Variants in AFAP1L2 observed in about 807,000 individuals in gnomAD.
AFAP1L2 encodes the protein actin filament associated protein 1 like 2.
AFAP1L2 carries 46 observed loss-of-function variants against 99.3 expected under a neutral mutation model. The observed-to-expected ratio is 0.46, with a 90% CI of 0.37 to 0.59. The LOEUF (loss-of-function observed/expected upper bound fraction) is 0.59, where lower values mean the gene tolerates loss of function less well. Among genes scored for constraint, AFAP1L2 ranks in the 20% least tolerant of loss-of-function variants. The probability of loss-of-function intolerance (pLI) is 0.00; values close to 1 mark genes in which losing one functional copy is unlikely to be tolerated. For missense variants in AFAP1L2, 959 were observed against 1,034.9 expected (o/e 0.93, Z 1.01); for synonymous variants, 397 against 419.1 (o/e 0.95, Z 0.64).
At chr10:114,370,204 G>A (rs561267197) in intron 1 of AFAP1L2, among the ~76,000 whole-genome samples, 3 of 152,270 alleles carry the variant, frequency 2.0e-5, no homozygotes, top group South Asian at 2.1e-4. Flanking sequence ...AATCCACTCT[G>A]CAAGACTGAG....
rs139703460 is a variant in AFAP1L2 at position 114,299,041 on chromosome 10, G to A, written c.2113+219C>T. ...TTTACGATGACCTGCTGGTCCTATT[G>A]ATGTTCCGTCAGAGGCTTTCTCTCT... On this transcript the variant is annotated intron_variant, in intron 16 of 18. Transcript: ENST00000304129. Among the ~76,000 whole-genome samples, 418 of 152,334 alleles carry A rather than the reference G, an allele frequency of 2.7e-3. 3 individuals carry two copies. Among genetic ancestry groups the A allele is most frequent in the African/African-American group, 9.3e-3 (387 of 41,580 alleles).
At chr10:114,365,129 G>A (rs781656322) in intron 1 of AFAP1L2, among the ~76,000 whole-genome samples, 35 of 152,102 alleles carry the variant, frequency 2.3e-4, no homozygotes, top group Non-Finnish European at 3.2e-4. Context: ...GTACCCTAAC[G>A]TTCCTTAGCA....
At chr10:114,286,299 C>T in the AFAP1L2 span, 3 of 1,610,270 alleles carry the variant, frequency 1.9e-6, no homozygotes, top group East Asian at 2.2e-5. Context: ...GTTTTGCTCA[C>T]TGAGTCACAC....
At chr10:114,360,994 C>T (rs975464804) in intron 1 of AFAP1L2, among the ~76,000 whole-genome samples, 1 of 152,302 alleles carries the variant, frequency 6.6e-6, no homozygotes, top group Admixed American at 6.5e-5. Flanking sequence ...TAATGGAGAA[C>T]TCGCAGTTCC....
intron 1 of AFAP1L2, chr10:114,393,417 C>G (rs1033537530): frequency 6.6e-6 from 1 of 152,238 alleles, no homozygotes; most frequent in African/African-American, 2.4e-5. Context: ...TTTGCTCTTA[C>G]GCTCAACAAT....
chr10:114,310,525 A>C, intron 7 of AFAP1L2, 82 bp from the exon 8 acceptor site: 1 of 1,247,696 alleles, frequency 8.0e-7, no homozygotes, highest in South Asian at 1.4e-5. Flanking sequence ...GGGCCCCTGC[A>C]GGTCAGGGGA....
chr10:114,335,805 G>A (rs375617945), intron 2 of AFAP1L2, among the ~76,000 whole-genome samples: 12 of 152,010 alleles, frequency 7.9e-5, no homozygotes, highest in East Asian at 1.9e-4. Context: ...TATATGAATC[G>A]TCAACACATG....
At chr10:114,300,714 G>A (rs2041007473) in intron 13 of AFAP1L2, 24 bp from the exon 14 acceptor site, 2 of 1,561,980 alleles carry the variant, frequency 1.3e-6, no homozygotes, top group Non-Finnish European at 1.7e-6. Context: ...TGAGTCTGGG[G>A]CATTCAACAT....
chr10:114,289,450 C>T, the AFAP1L2 span: 53 of 1,614,144 alleles, frequency 3.3e-5, 1 homozygote, highest in East Asian at 4.9e-4. Flanking sequence ...CGCCGACCTG[C>T]GGTACCACCA....
At position 114,304,933 on chromosome 10, in the gene AFAP1L2, G is replaced by T; in HGVS notation, c.1073-3C>A. 1 of 1,612,452 alleles carries T rather than the reference G, an allele frequency of 6.2e-7. No individual in the cohort carries two copies. Among genetic ancestry groups the T allele is most frequent in the Non-Finnish European group, 8.5e-7 (1 of 1,179,772 alleles). ...GTTCACCAGCACGTTCAGGTAACCT[G>T]CAGGAGGAAGTGCAGATGCAGGAGG... is the stretch of plus-strand genomic sequence containing the variant. On this transcript the variant is annotated splice_region_variant and splice_polypyrimidine_tract_variant and intron_variant, in intron 10 of 18. Transcript: ENST00000304129.
At chr10:114,355,824 C>T (rs2051287499) in intron 1 of AFAP1L2, among the ~76,000 whole-genome samples, 3 of 151,950 alleles carry the variant, frequency 2.0e-5, no homozygotes, top group South Asian at 4.1e-4. Context: ...ATACAAAAAA[C>T]TAGCCAGGCA....
chr10:114,297,269 G>A lies in AFAP1L2; in HGVS notation c.2258C>T (p.Thr753Met), dbSNP rs45440092. Reference protein sequence around the residue: ...NLKKAEAGPVTLGTTVDTTHL... With the variant: ...NLKKAEAGPVMLGTTVDTTHL... The stretch of plus-strand genomic sequence containing the variant: ...GGTGGTGTCCACGGTGGTGCCTAAC[G>A]TCACAGGCCCTGCCTCAGCCTTCTT... The change falls in exon 17 of 19, where the codon ACG becomes ATG. Residue 753 changes from threonine (T) to methionine (M), a missense_variant. Physicochemically the swap from Thr to Met is moderately conservative, Grantham distance 81. Transcript: ENST00000304129. The A allele has an allele frequency of 8.9e-5, 143 of 1,613,636 alleles. 1 individual carries two copies. Among genetic ancestry groups the A allele is most frequent in the South Asian group, 6.2e-4 (56 of 91,044 alleles).
At chr10:114,391,848 G>C (rs12357598) in intron 1 of AFAP1L2, among the ~76,000 whole-genome samples, 1 of 152,180 alleles carries the variant, frequency 6.6e-6, no homozygotes, top group African/African-American at 2.4e-5. Context: ...CTGTGGCATA[G>C]AGCCAAGTGA....
chr10:114,312,944 A>G (rs891964675), intron 7 of AFAP1L2, among the ~76,000 whole-genome samples: 2 of 152,176 alleles, frequency 1.3e-5, no homozygotes, highest in Non-Finnish European at 2.9e-5. Context: ...TACTCAGCCT[A>G]GGGGTGGACC....
intron 1 of AFAP1L2, among the ~76,000 whole-genome samples, chr10:114,374,059 C>A (rs1214434490): frequency 6.6e-6 from 1 of 152,094 alleles, no homozygotes; most frequent in Non-Finnish European, 1.5e-5. Flanking sequence ...CAACACACAG[C>A]CCCATAAGCT....
At position 114,332,901 on chromosome 10, in the gene AFAP1L2, G is replaced by A. The variant is rs766064166; in HGVS notation, c.220+320C>T. ...TATCAAAAGACATAAAGGCAGAACC[G>A]TGGGATCAGCACCACACACAGCTGC... On this transcript the variant is annotated intron_variant, in intron 3 of 18. Transcript: ENST00000304129. 3.9e-5 allele frequency among the ~76,000 whole-genome samples: 6 copies of A among 152,182 alleles called. No homozygotes were observed. In the South Asian group the frequency reaches 6.2e-4, roughly 16 times the overall value.
intron 1 of AFAP1L2, among the ~76,000 whole-genome samples, chr10:114,376,579 T>TG (rs2054829035): frequency 6.6e-6 from 1 of 152,184 alleles, no homozygotes; most frequent in Admixed American, 6.5e-5. Flanking sequence ...AGCAATTACC[T>TG]AACTCAAAAG....
At chr10:114,351,295 C>T (rs1156431399) in intron 1 of AFAP1L2, among the ~76,000 whole-genome samples, 2 of 151,964 alleles carry the variant, frequency 1.3e-5, no homozygotes, top group Non-Finnish European at 2.9e-5. Context: ...GTGCAGTGGC[C>T]GCTATGTTTT....
rs1207675895 is a variant in AFAP1L2 at position 114,294,968 on chromosome 10, C to T, written c.*1074G>A. 2.0e-6 allele frequency: 2 copies of T among 983,286 alleles called. No individual in the cohort carries two copies. Among genetic ancestry groups the T allele is most frequent in the Admixed American group, 1.2e-4 (2 of 16,090 alleles). 60.9% of individuals were successfully genotyped at this position (983,286 alleles called of 1,614,324 possible). Reference sequence around the variant, plus strand: ...AAGTGTTAGAGAACTGATACACAACCCTCCAGAAATGAGGCAGAGATAATA... The same window carrying T: ...AAGTGTTAGAGAACTGATACACAACTCTCCAGAAATGAGGCAGAGATAATA... On this transcript the variant is annotated 3_prime_UTR_variant, in exon 19 of 19. Coordinates refer to ENST00000304129, the MANE Select transcript of AFAP1L2 (RefSeq NM_001001936.3).
Sources: allele counts gnomAD v4.1 joint callset (sites outside exome capture counted in the v4.1 genomes callset), GRCh38; gene constraint gnomAD v4.1.1; transcripts MANE v1.5; gene names NCBI Gene and HGNC (gene_info 2026-07-23, HGNC 2026-07-21).